The following SLIT3 variants were observed in gnomAD, a reference collection of about 807,000 sequenced individuals.
SLIT3 encodes the protein slit homolog 3 protein.
Under a neutral mutation model 184.0 loss-of-function variants are expected in SLIT3, and 68 were observed. The ratio of observed to expected loss-of-function variants is 0.37; its 90% CI spans 0.30 to 0.45. The LOEUF is 0.45. Among genes scored for constraint, SLIT3 ranks in the 20% least tolerant of loss-of-function variants. The pLI, the probability that SLIT3 is intolerant of heterozygous loss-of-function variation, is 1.00. For missense variants in SLIT3, 1,707 were observed against 2,026.0 expected, an observed-to-expected ratio of 0.84 and a Z score of 3.02; for synonymous variants, 831 against 828.6, an observed-to-expected ratio of 1.00 and a Z score of -0.05.
At chr5:169,296,492 T>C (rs1359526273) in intron 1 of SLIT3, among the ~76,000 whole-genome samples, 1 of 152,148 alleles carries the variant, frequency 6.6e-6, no homozygotes, top group African/African-American at 2.4e-5. Context: ...GGGCACTGTG[T>C]TTCCCTAAAA....
At chr5:168,896,638 A>G (rs1045360626) in intron 4 of SLIT3, among the ~76,000 whole-genome samples, 5 of 152,196 alleles carry the variant, frequency 3.3e-5, no homozygotes, top group Non-Finnish European at 5.9e-5. Flanking sequence ...ACAATCTCCC[A>G]AAGATGGCAA....
chr5:168,955,348 G>A (rs1762788177), intron 4 of SLIT3, among the ~76,000 whole-genome samples: 1 of 152,172 alleles, frequency 6.6e-6, no homozygotes, highest in Non-Finnish European at 1.5e-5. Context: ...TCCCAAGGGG[G>A]ACTGTGTGGC....
chr5:169,200,625 A>T (rs572756660), intron 3 of SLIT3, among the ~76,000 whole-genome samples: 1 of 152,336 alleles, frequency 6.6e-6, no homozygotes, highest in South Asian at 2.1e-4. Flanking sequence ...GACATCATCA[A>T]CTATGAAGAT....
intron 7 of SLIT3, among the ~76,000 whole-genome samples, chr5:168,819,411 A>G (rs1561950419): frequency 6.6e-6 from 1 of 152,250 alleles, no homozygotes; most frequent in Non-Finnish European, 1.5e-5. Context: ...ACCACAGGGC[A>G]GCCTGCCGTG....
chr5:169,108,365 C>T (rs1025094345), intron 4 of SLIT3, among the ~76,000 whole-genome samples: 4 of 152,204 alleles, frequency 2.6e-5, no homozygotes, highest in African/African-American at 7.2e-5. Context: ...GCTGGCACAG[C>T]ATACTCCAAA....
At chr5:169,054,341 TC>T (rs1178484431) in intron 4 of SLIT3, among the ~76,000 whole-genome samples, 4 of 151,718 alleles carry the variant, frequency 2.6e-5, no homozygotes, top group African/African-American at 4.8e-5. Flanking sequence ...GAAAGATCCT[TC>T]CCTAGAGGCT....
intron 4 of SLIT3, among the ~76,000 whole-genome samples, chr5:169,009,216 C>T (rs1358934958): frequency 6.6e-6 from 1 of 152,144 alleles, no homozygotes; most frequent in Non-Finnish European, 1.5e-5. Flanking sequence ...TCTTGAAACT[C>T]CCCTTCTACA....
intron 4 of SLIT3, among the ~76,000 whole-genome samples, chr5:169,073,547 A>T (rs1758628074): frequency 6.6e-6 from 1 of 151,020 alleles, no homozygotes; most frequent in Admixed American, 6.6e-5. Flanking sequence ...GTCCCCTCCA[A>T]ATCTCATGTT....
chr5:169,014,555 G>C (rs939693512), intron 4 of SLIT3, among the ~76,000 whole-genome samples: 2 of 152,182 alleles, frequency 1.3e-5, no homozygotes, highest in African/African-American at 4.8e-5. Flanking sequence ...ACTTTCCTTC[G>C]CTCCTCTGAG....
chr5:169,104,024 G>C (rs917396374), intron 4 of SLIT3, among the ~76,000 whole-genome samples: 4 of 152,196 alleles, frequency 2.6e-5, no homozygotes, highest in Admixed American at 2.0e-4. Context: ...TGTTACTCCC[G>C]AATCCAGTTC....
At chr5:169,038,465 G>C (rs1757333859) in intron 4 of SLIT3, among the ~76,000 whole-genome samples, 1 of 152,188 alleles carries the variant, frequency 6.6e-6, no homozygotes, top group South Asian at 2.1e-4. Context: ...AGAAGATGGG[G>C]TTTACAAAAG....
rs1396052995 is a variant in SLIT3 at position 168,817,545 on chromosome 5, C to T, written c.630-82G>A. ...CACTGGCCAGACAGAGTGACCAAAA[C>T]CCCTGTTGCCCCTTTCTCCAGTGTG... is the stretch of plus-strand genomic sequence containing the variant. On this transcript the variant is annotated intron_variant, in intron 7 of 35. Transcript: ENST00000519560. 3 of 1,295,636 alleles carry T rather than the reference C, an allele frequency of 2.3e-6. No individual in the cohort carries two copies. In the African/African-American group the frequency reaches 4.4e-5, roughly 19 times the overall value. 80.3% of individuals were successfully genotyped at this position (1,295,636 alleles called of 1,614,324 possible). A position where few individuals can be genotyped will look rare whatever the true frequency, so the allele number is the denominator to read the frequency against.
chr5:168,955,087 T>A (rs1018112034), intron 4 of SLIT3, among the ~76,000 whole-genome samples: 4 of 101,320 alleles, frequency 3.9e-5, no homozygotes, highest in African/African-American at 1.6e-4. Context: ...CTTCCTGATG[T>A]TGGGGGGTGG....
chr5:169,257,746 G>A (rs1415254908), intron 1 of SLIT3, among the ~76,000 whole-genome samples: 1 of 151,438 alleles, frequency 6.6e-6, no homozygotes, highest in Admixed American at 6.6e-5. Flanking sequence ...GTAGAGATGG[G>A]GTTTCACCAT....
At chr5:168,986,963 G>A (rs552427156) in intron 4 of SLIT3, among the ~76,000 whole-genome samples, 3 of 152,270 alleles carry the variant, frequency 2.0e-5, no homozygotes, top group Admixed American at 6.5e-5. Flanking sequence ...CAGGAGAATC[G>A]CTTGAACCCG....
chr5:169,185,565 T>G (rs1763304223), intron 4 of SLIT3, among the ~76,000 whole-genome samples: 1 of 152,184 alleles, frequency 6.6e-6, no homozygotes, highest in Admixed American at 6.5e-5. Flanking sequence ...TCTCCACTGG[T>G]TTTTCACTTT....
chr5:169,180,725 T>C (rs1449175464), intron 4 of SLIT3, among the ~76,000 whole-genome samples: 1 of 152,268 alleles, frequency 6.6e-6, no homozygotes, highest in Middle Eastern at 3.4e-3. Flanking sequence ...TCTAGCCCCA[T>C]TAGACCTAAT....
intron 5 of SLIT3, among the ~76,000 whole-genome samples, chr5:168,866,438 A>C (rs1432545195): frequency 6.6e-6 from 1 of 152,252 alleles, no homozygotes. Context: ...AATTAAGAGC[A>C]ATGAAGGCTT....
At chr5:169,176,358 G>C (rs1463357762) in intron 4 of SLIT3, among the ~76,000 whole-genome samples, 1 of 152,186 alleles carries the variant, frequency 6.6e-6, no homozygotes, top group African/African-American at 2.4e-5. Context: ...TTTCTTCGCT[G>C]AATGAGCTTG....
Sources: allele counts gnomAD v4.1 joint callset (sites outside exome capture counted in the v4.1 genomes callset), GRCh38; gene constraint gnomAD v4.1.1; transcripts MANE v1.5; gene names NCBI Gene and HGNC (gene_info 2026-07-23, HGNC 2026-07-21).